The following PRKAG2 variants were observed in gnomAD, a reference collection of about 807,000 sequenced individuals.
PRKAG2 encodes 5'-AMP-activated protein kinase subunit gamma-2.
In PRKAG2, 26 loss-of-function variants were observed where a neutral mutation model predicts 69.6. The observed-to-expected ratio is 0.37, with a 90% CI of 0.27 to 0.52. The LOEUF (loss-of-function observed/expected upper bound fraction) is 0.52. Among genes scored for constraint, PRKAG2 ranks in the 20% least tolerant of loss-of-function variants. PRKAG2 has a pLI of 0.90. For missense variants in PRKAG2, 557 were observed against 740.0 expected (o/e 0.75, Z 2.87); for synonymous variants, 293 against 285.0 (o/e 1.03, Z -0.28).
intron 1 of PRKAG2, among the ~76,000 whole-genome samples, chr7:151,863,677 A>G (rs1338909140): frequency 6.6e-6 from 1 of 152,212 alleles, no homozygotes; most frequent in Admixed American, 6.5e-5. Context: ...GCACTTTGGA[A>G]GGCCACCGCA....
At chr7:151,739,881 G>A (rs1020796815) in intron 3 of PRKAG2, among the ~76,000 whole-genome samples, 3 of 152,170 alleles carry the variant, frequency 2.0e-5, no homozygotes, top group Admixed American at 1.3e-4. Context: ...GCCCAATCCA[G>A]AGACCGTGCC....
rs149542850 is a variant in PRKAG2, at chr7:151,586,283, C to T, written c.864+9062G>A. ...GAATCCAGACGTGCCTGTCATGGCACGGCCGTCTACGCAACAGCCACAAAA... is the reference window on the plus strand; with the variant it reads ...GAATCCAGACGTGCCTGTCATGGCATGGCCGTCTACGCAACAGCCACAAAA... On this transcript the variant is annotated intron_variant, in intron 6 of 15. Coordinates refer to ENST00000287878, the MANE Select transcript of PRKAG2 (RefSeq NM_016203.4). Among the ~76,000 whole-genome samples the T allele has an allele frequency of 4.6e-5, 7 of 152,058 alleles. No homozygotes were observed. In the South Asian group the frequency reaches 1.0e-3, roughly 23 times the overall value.
chr7:151,624,182 T>TATA (rs67782704), intron 5 of PRKAG2, among the ~76,000 whole-genome samples: 2 of 131,788 alleles, frequency 1.5e-5, no homozygotes, highest in African/African-American at 5.9e-5. Flanking sequence ...ATATATATAT[T>TATA]TTTTTTTTCA....
At chr7:151,593,551 T>C (rs1813742432) in intron 6 of PRKAG2, among the ~76,000 whole-genome samples, 1 of 152,118 alleles carries the variant, frequency 6.6e-6, no homozygotes, top group South Asian at 2.1e-4. Flanking sequence ...TCTGGTATTT[T>C]AAAAAGTAAA....
In PRKAG2 at chr7:151,643,172, C is replaced by T. The variant is rs549320382; in HGVS notation, c.685-11034G>A. On this transcript the variant is annotated intron_variant, in intron 4 of 15. Transcript: ENST00000287878. ...TGTGTTTAACATGAGTTATTGGGAGCGGAATATTTATATTCTCTTATAGGT... is the reference window on the plus strand; with the variant it reads ...TGTGTTTAACATGAGTTATTGGGAGTGGAATATTTATATTCTCTTATAGGT... 1.7e-3 allele frequency among the ~76,000 whole-genome samples: 262 copies of T among 152,158 alleles called. 5 individuals are homozygous for T. Among genetic ancestry groups the T allele is most frequent in the African/African-American group, 5.9e-3 (244 of 41,508 alleles).
At chr7:151,679,848 T>G (rs1833570108) in intron 3 of PRKAG2, among the ~76,000 whole-genome samples, 1 of 151,736 alleles carries the variant, frequency 6.6e-6, no homozygotes, top group Admixed American at 6.6e-5. Flanking sequence ...AAGGATCACT[T>G]GAGCCCAGGA....
At chr7:151,741,882 G>A (rs560957031) in intron 3 of PRKAG2, among the ~76,000 whole-genome samples, 3 of 152,212 alleles carry the variant, frequency 2.0e-5, no homozygotes, top group Non-Finnish European at 2.9e-5. Flanking sequence ...CAAATAATTC[G>A]GAGAAATTCC....
chr7:151,706,670 G>T (rs1838670704), intron 3 of PRKAG2, among the ~76,000 whole-genome samples: 1 of 152,258 alleles, frequency 6.6e-6, no homozygotes, highest in Admixed American at 6.5e-5. Flanking sequence ...TTCTTCCAAG[G>T]AATGTATTCA....
At chr7:151,624,446 G>A (rs761598971) in intron 5 of PRKAG2, among the ~76,000 whole-genome samples, 6 of 151,934 alleles carry the variant, frequency 3.9e-5, no homozygotes, top group Non-Finnish European at 7.4e-5. Flanking sequence ...CACAGCACCC[G>A]GCCGTGGCAG....
chr7:151,847,040 G>C (rs896939562), intron 1 of PRKAG2, among the ~76,000 whole-genome samples: 15 of 152,238 alleles, frequency 9.9e-5, no homozygotes, highest in African/African-American at 3.6e-4. Flanking sequence ...GTGAGGGACT[G>C]CTAGGTAAAT....
At chr7:151,842,962 C>T (rs2079346971) in intron 1 of PRKAG2, among the ~76,000 whole-genome samples, 1 of 152,020 alleles carries the variant, frequency 6.6e-6, no homozygotes, top group Non-Finnish European at 1.5e-5. Flanking sequence ...TACTTTGGGA[C>T]ACTGCTGAAC....
At chr7:151,559,233 G>T in intron 15 of PRKAG2, 1 of 972,724 alleles carries the variant, frequency 1.0e-6, no homozygotes, top group Non-Finnish European at 1.2e-6. Context: ...TGTACTGTTC[G>T]TTTTCAATCC....
chr7:151,611,543 C>T (rs1410867390), intron 5 of PRKAG2, among the ~76,000 whole-genome samples: 1 of 152,054 alleles, frequency 6.6e-6, no homozygotes, highest in Non-Finnish European at 1.5e-5. Context: ...GAGATGGAGG[C>T]CAGGTTAGTG....
rs191182465 is a variant in PRKAG2 at position 151,829,611 on chromosome 7, G to A, written c.115-43070C>T. The stretch of plus-strand genomic sequence containing the variant: ...GCATTATTGATAATAGCCAAAAGGC[G>A]GAAACAACCCAAATTTCCTTTAACT... On this transcript the variant is annotated intron_variant, in intron 1 of 15. Transcript: ENST00000287878. 1.1e-4 allele frequency among the ~76,000 whole-genome samples: 16 copies of A among 152,058 alleles called. No individual in the cohort carries two copies. In the East Asian group the frequency reaches 2.5e-3, roughly 24 times the overall value.
chr7:151,703,721 T>C (rs891986038), intron 3 of PRKAG2, among the ~76,000 whole-genome samples: 3 of 152,028 alleles, frequency 2.0e-5, no homozygotes, highest in Non-Finnish European at 4.4e-5. Flanking sequence ...AAAAATTTTT[T>C]TGGCTGGGCG....
intron 4 of PRKAG2, among the ~76,000 whole-genome samples, chr7:151,650,634 G>A (rs1304282125): frequency 6.6e-6 from 1 of 152,166 alleles, no homozygotes; most frequent in Admixed American, 6.5e-5. Flanking sequence ...CAACACTAAG[G>A]CGTCATTTGC....
chr7:151,785,922 A>T (rs1224267585), intron 2 of PRKAG2, among the ~76,000 whole-genome samples: 1 of 152,156 alleles, frequency 6.6e-6, no homozygotes, highest in Non-Finnish European at 1.5e-5. Flanking sequence ...TCGAGACACT[A>T]GTTTCCTAAT....
Position 151,559,720 on chromosome 7 carries a change from A to G in PRKAG2, c.1678+804T>C, listed in dbSNP as rs2150967745. The G allele has an allele frequency of 4.1e-6, 4 of 985,304 alleles. No individual in the cohort carries two copies. The African/African-American group carries it at 7.0e-5, about 17-fold the overall frequency. 61.0% of individuals were successfully genotyped at this position (985,304 alleles called of 1,614,324 possible). A position where few individuals can be genotyped will look rare whatever the true frequency, so the allele number is the denominator to read the frequency against. On this transcript the variant is annotated intron_variant, in intron 15 of 15. Coordinates refer to ENST00000287878, the MANE Select transcript of PRKAG2 (RefSeq NM_016203.4). The stretch of plus-strand genomic sequence containing the variant: ...GAGAAATCAATACTGTAGCACACAC[A>G]CCGTTTAATATTGGATTCTGAGAGT...
chr7:151,705,589 G>A (rs917938395), intron 3 of PRKAG2, among the ~76,000 whole-genome samples: 2 of 152,180 alleles, frequency 1.3e-5, no homozygotes, highest in Non-Finnish European at 2.9e-5. Context: ...AGAAAGAGAC[G>A]TGAGAGGTAA....
Sources: allele counts gnomAD v4.1 joint callset (sites outside exome capture counted in the v4.1 genomes callset), GRCh38; gene constraint gnomAD v4.1.1; transcripts MANE v1.5; gene names NCBI Gene and HGNC (gene_info 2026-07-23, HGNC 2026-07-21).